PHF3: variants seen among roughly 807,000 people sequenced by gnomAD.
PHF3 encodes PHD finger protein 3.
Under a neutral mutation model 178.4 loss-of-function variants are expected in PHF3, and 41 were observed. That is an observed-to-expected ratio of 0.23 (90% CI 0.18 to 0.30). The LOEUF (loss-of-function observed/expected upper bound fraction) is 0.30, where lower values mean the gene tolerates loss of function less well. Ranked by LOEUF, PHF3 falls within the 10% of genes least tolerant of loss-of-function variation. The pLI, the probability that PHF3 is intolerant of heterozygous loss-of-function variation, is 1.00. For synonymous variants in PHF3, 842 were observed against 800.5 expected, an observed-to-expected ratio of 1.05 and a Z score of -0.88; for missense variants, 2,346 against 2,398.1, an observed-to-expected ratio of 0.98 and a Z score of 0.45.
rs1768324037 is a variant in PHF3 at position 63,720,333 on chromosome 6, A to AGTGAATAAGCACATTCT, written c.*6638_*6654dup. Reference sequence around the variant, plus strand: ...GGATAGGTAAAAAGTGAATAAGCAAAGTGAATAAGCACATTCTGTGAATAA... The same window carrying AGTGAATAAGCACATTCT: ...GGATAGGTAAAAAGTGAATAAGCAAAGTGAATAAGCACATTCTGTGAATAAGCACATTCTGTGAATAA... On this transcript the variant is annotated 3_prime_UTR_variant, in exon 16 of 16. Coordinates refer to ENST00000262043, the MANE Select transcript of PHF3 (RefSeq NM_001370348.2). The AGTGAATAAGCACATTCT allele has an allele frequency of 4.9e-6, 2 of 407,174 alleles. No individual in the cohort carries two copies. The highest frequency in any genetic ancestry group is 8.7e-6 in the Non-Finnish European group (2 of 230,558). 25.2% of individuals were successfully genotyped at this position (407,174 alleles called of 1,614,324 possible).
rs1421186353 is a variant in PHF3, at chr6:63,716,594, A to C, written c.*2886A>C. On this transcript the variant is annotated 3_prime_UTR_variant, in exon 16 of 16. Coordinates refer to ENST00000262043, the MANE Select transcript of PHF3 (RefSeq NM_001370348.2). ...TTATGATCTTACGGTTCTGTGGATC[A>C]GAAGTCTGTGCAGATCTCACTGGGT... Among the ~76,000 whole-genome samples the C allele has an allele frequency of 6.6e-6, 1 of 152,142 alleles. No homozygotes were observed. Among genetic ancestry groups the C allele is most frequent in the Non-Finnish European group, 1.5e-5 (1 of 68,000 alleles).
intron 5 of PHF3, among the ~76,000 whole-genome samples, chr6:63,694,340 G>T (rs1767139381): frequency 6.6e-6 from 1 of 152,098 alleles, no homozygotes; most frequent in Non-Finnish European, 1.5e-5. Context: ...CCAAATAAGA[G>T]AATTCTTACT....
At chr6:63,642,023 T>G (rs1273831439) in intron 1 of PHF3, among the ~76,000 whole-genome samples, 1 of 152,208 alleles carries the variant, frequency 6.6e-6, no homozygotes, top group African/African-American at 2.4e-5. Context: ...TTAGGCTATT[T>G]TGTTAGTATA....
At chr6:63,694,401 A>G (rs1767142137) in intron 5 of PHF3, among the ~76,000 whole-genome samples, 180 bp from the exon 6 acceptor site, 1 of 152,146 alleles carries the variant, frequency 6.6e-6, no homozygotes, top group African/African-American at 2.4e-5. Context: ...CATGATCTCT[A>G]TGTCCTTTGT....
At chr6:63,636,805 T>G (rs995441943) in intron 1 of PHF3, 1 of 152,114 alleles carries the variant, frequency 6.6e-6, no homozygotes, top group Non-Finnish European at 1.5e-5. Context: ...TGTAATTTAA[T>G]GAACCACTTG....
rs1289121896 is a variant in PHF3 at position 63,635,856 on chromosome 6, G to A, written c.-320G>A. The stretch of plus-strand genomic sequence containing the variant: ...AGCTCCCGCGCCGCCGCCGCACGCC[G>A]ATGGCTGCGGGGTCTCGCGCCGTCG... On this transcript the variant is annotated 5_prime_UTR_variant, in exon 1 of 16. Coordinates refer to ENST00000262043, the MANE Select transcript of PHF3 (RefSeq NM_001370348.2). The A allele has an allele frequency of 2.5e-6, 1 of 396,962 alleles. No homozygotes were observed. Among genetic ancestry groups the A allele is most frequent in the Non-Finnish European group, 4.4e-6 (1 of 224,952 alleles). The allele number at this position is 396,962 out of a possible 1,614,324, so 24.6% of individuals were successfully genotyped here.
At chr6:63,683,937 TA>T (rs1766551008) in intron 3 of PHF3, among the ~76,000 whole-genome samples, 191 bp from the exon 4 acceptor site, 1 of 152,100 alleles carries the variant, frequency 6.6e-6, no homozygotes. Context: ...TTGATAAATA[TA>T]AAATTTGACA....
rs538644133 is a variant in PHF3, at chr6:63,684,451, G to A, written c.729G>A (p.Pro243=). ...GLDSKHKCNN[P]GEIDVPSHEL... is the part of the protein sequence containing the mutation. ...ATTCTAAGCATAAGTGTAATAATCC[G>A]GGAGAAATAGATGTGCCATCTCATG... is the stretch of plus-strand genomic sequence containing the variant. Residue 243 remains proline (P), a synonymous_variant, in exon 4 of 16, where the codon CCG becomes CCA. Coordinates refer to ENST00000262043, the MANE Select transcript of PHF3 (RefSeq NM_001370348.2). The A allele has an allele frequency of 1.5e-5, 24 of 1,613,822 alleles. No individual in the cohort carries two copies. Among genetic ancestry groups the A allele is most frequent in the East Asian group, 4.5e-5 (2 of 44,874 alleles).
intron 1 of PHF3, among the ~76,000 whole-genome samples, chr6:63,640,645 TAAAC>T (rs763187096): frequency 4.1e-4 from 62 of 152,092 alleles, no homozygotes; most frequent in South Asian, 2.1e-3. Flanking sequence ...GGAGATAGCT[TAAAC>T]AAACAAACAA....
At chr6:63,706,663 G>A in intron 12 of PHF3, 66 bp from the exon 13 acceptor site, 1 of 1,479,412 alleles carries the variant, frequency 6.8e-7, no homozygotes, top group Admixed American at 2.0e-5. Flanking sequence ...ACGAGTAACT[G>A]ATGACTAGGT....
In PHF3 at chr6:63,713,736, T is replaced by TCCTACTATC; in HGVS notation, c.*28_*29insCCTACTATC. ...TTTGCAGGCTGCTTCAGGATTACAT[T>TCCTACTATC]TAAATAACTGTTAAAATGTTGTATC... On this transcript the variant is annotated 3_prime_UTR_variant, in exon 16 of 16. Transcript: ENST00000262043. 1 of 1,478,760 alleles carries TCCTACTATC rather than the reference T, an allele frequency of 6.8e-7. No individual in the cohort carries two copies. Among genetic ancestry groups the TCCTACTATC allele is most frequent in the South Asian group, 1.4e-5 (1 of 72,526 alleles). 91.6% of individuals were successfully genotyped at this position (1,478,760 alleles called of 1,614,324 possible). A position where few individuals can be genotyped will look rare whatever the true frequency, so the allele number is the denominator to read the frequency against.
At chr6:63,675,772 A>G (rs1341353429) in intron 2 of PHF3, among the ~76,000 whole-genome samples, 3 of 152,198 alleles carry the variant, frequency 2.0e-5, no homozygotes, top group Non-Finnish European at 4.4e-5. Flanking sequence ...TCCAGCACAT[A>G]TAAACATGGT....
chr6:63,721,770 T>C lies in PHF3; in HGVS notation c.*8062T>C, dbSNP rs776738764. The C allele has an allele frequency of 1.3e-6, 2 of 1,549,186 alleles. No individual in the cohort carries two copies. Among genetic ancestry groups the C allele is most frequent in the African/African-American group, 1.4e-5 (1 of 72,992 alleles). ...GTTGTAGCGAAGTTGAACGGAACTATTTACTAAAGAGATGCATAAAAAATC... is the reference window on the plus strand; with the variant it reads ...GTTGTAGCGAAGTTGAACGGAACTACTTACTAAAGAGATGCATAAAAAATC... On this transcript the variant is annotated 3_prime_UTR_variant, in exon 16 of 16. Coordinates refer to ENST00000262043, the MANE Select transcript of PHF3 (RefSeq NM_001370348.2).
rs754288539 is a variant in PHF3, at chr6:63,723,665, CAA to C, written c.*9961_*9962del. On this transcript the variant is annotated 3_prime_UTR_variant, in exon 16 of 16. Coordinates refer to ENST00000262043, the MANE Select transcript of PHF3 (RefSeq NM_001370348.2). ...CTAGTATGTTCTTACGAAAAATTGA[CAA>C]AAAGTTTTCTTTCTGTGGCTATGGA... Among the ~76,000 whole-genome samples, 6 of 151,862 alleles carry C rather than the reference CAA, an allele frequency of 4.0e-5. No individual in the cohort carries two copies. Among genetic ancestry groups the C allele is most frequent in the East Asian group, 3.9e-4 (2 of 5,188 alleles).
chr6:63,660,629 C>G (rs1453775226), intron 2 of PHF3, among the ~76,000 whole-genome samples: 1 of 152,084 alleles, frequency 6.6e-6, no homozygotes, highest in Non-Finnish European at 1.5e-5. Flanking sequence ...AGTTATTTAA[C>G]ATAAACTTAC....
rs139718938 is a variant in PHF3, at chr6:63,714,615, A to G, written c.*907A>G. ...GGAAAAACAATTTTTTTAAAATCTTAAATTGTAGGCTGAGATGAATTGTGT... is the reference window on the plus strand; with the variant it reads ...GGAAAAACAATTTTTTTAAAATCTTGAATTGTAGGCTGAGATGAATTGTGT... On this transcript the variant is annotated 3_prime_UTR_variant, in exon 16 of 16. Coordinates refer to ENST00000262043, the MANE Select transcript of PHF3 (RefSeq NM_001370348.2). The G allele has an allele frequency of 6.6e-6, 1 of 152,486 alleles. No homozygotes were observed. Among genetic ancestry groups the G allele is most frequent in the East Asian group, 1.9e-4 (1 of 5,180 alleles). 9.4% of individuals were successfully genotyped at this position (152,486 alleles called of 1,614,324 possible). A position where few individuals can be genotyped will look rare whatever the true frequency, so the allele number is the denominator to read the frequency against.
rs543513417 is a variant in PHF3, at chr6:63,668,499, ATTTATTT to A, written c.245-11484_245-11478del. Among the ~76,000 whole-genome samples the A allele has an allele frequency of 8.4e-4, 128 of 152,002 alleles. 1 individual carries two copies. Among genetic ancestry groups the A allele is most frequent in the South Asian group, 7.9e-3 (38 of 4,802 alleles). ...CAGGTGTGTACCATCATACCTGCTA[ATTTATTT>A]TTTATTTTTTATTTTTGTATAGATG... On this transcript the variant is annotated intron_variant, in intron 2 of 15. Coordinates refer to ENST00000262043, the MANE Select transcript of PHF3 (RefSeq NM_001370348.2).
intron 1 of PHF3, among the ~76,000 whole-genome samples, chr6:63,644,493 T>C (rs932989219): frequency 6.6e-6 from 1 of 152,170 alleles, no homozygotes; most frequent in Non-Finnish European, 1.5e-5. Context: ...AGGGAATTCT[T>C]AAAGGAACTT....
At chr6:63,705,143 A>G (rs1767636175) in intron 11 of PHF3, among the ~76,000 whole-genome samples, 1 of 152,240 alleles carries the variant, frequency 6.6e-6, no homozygotes, top group African/African-American at 2.4e-5. Context: ...GATACAGATA[A>G]TACAGATTTG....
Sources: allele counts gnomAD v4.1 joint callset (sites outside exome capture counted in the v4.1 genomes callset), GRCh38; gene constraint gnomAD v4.1.1; transcripts MANE v1.5; gene names NCBI Gene and HGNC (gene_info 2026-07-23, HGNC 2026-07-21).